SH3RF2: variants seen among roughly 807,000 people sequenced by gnomAD.
SH3RF2 encodes E3 ubiquitin-protein ligase SH3RF2.
SH3RF2 carries 43 observed loss-of-function variants against 59.0 expected under a neutral mutation model. The ratio of observed to expected loss-of-function variants is 0.73; its 90% CI spans 0.57 to 0.94. SH3RF2 has a LOEUF of 0.94. Among genes scored for constraint, SH3RF2 ranks in the 40% least tolerant of loss-of-function variants. The pLI, the probability that SH3RF2 is intolerant of heterozygous loss-of-function variation, is 0.00. For synonymous variants in SH3RF2, 391 were observed against 391.5 expected (o/e 1.00, Z 0.01); for missense variants, 930 against 940.1 (o/e 0.99, Z 0.14).
At chr5:145,946,779 C>T (rs1758018529) in intron 2 of SH3RF2, among the ~76,000 whole-genome samples, 1 of 152,120 alleles carries the variant, frequency 6.6e-6, no homozygotes, top group South Asian at 2.1e-4. Flanking sequence ...TCTTAACTGA[C>T]ACTTAGTCAT....
chr5:145,959,615 A>ATATGTG (rs368782512), intron 2 of SH3RF2, among the ~76,000 whole-genome samples: 10 of 145,518 alleles, frequency 6.9e-5, no homozygotes, highest in African/African-American at 2.3e-4. Context: ...CTATATATAT[A>ATATGTG]TGTGTGTGTG....
At chr5:146,032,977 A>C (rs2150005147) in intron 5 of SH3RF2, among the ~76,000 whole-genome samples, 1 of 152,290 alleles carries the variant, frequency 6.6e-6, no homozygotes, top group South Asian at 2.1e-4. Flanking sequence ...TGTGTGCTGT[A>C]GTTAGGGCTG....
At chr5:145,986,057 G>T (rs11950659) in intron 2 of SH3RF2, among the ~76,000 whole-genome samples, 12,982 of 150,032 alleles carry the variant, frequency 0.087, 1,898 homozygotes, top group African/African-American at 0.3. Context: ...GTCTGTTATC[G>T]TTAGAGTTGG....
chr5:145,960,675 GCTGT>G (rs1474770312), intron 2 of SH3RF2, among the ~76,000 whole-genome samples: 1 of 152,104 alleles, frequency 6.6e-6, no homozygotes, highest in African/African-American at 2.4e-5. Flanking sequence ...AACTCCTATG[GCTGT>G]CTAATTTCTT....
intron 2 of SH3RF2, among the ~76,000 whole-genome samples, chr5:145,972,403 A>T (rs189718728): frequency 1.2e-4 from 19 of 152,150 alleles, no homozygotes; most frequent in South Asian, 2.1e-4. Flanking sequence ...AAGCAAAGGC[A>T]TTTGAAGAAT....
intron 2 of SH3RF2, among the ~76,000 whole-genome samples, chr5:145,962,017 C>T (rs910622508): frequency 4.6e-5 from 7 of 152,194 alleles, no homozygotes; most frequent in Admixed American, 4.6e-4. Flanking sequence ...GATATACTGA[C>T]AGCCAAAGCC....
intron 5 of SH3RF2, among the ~76,000 whole-genome samples, chr5:146,024,892 T>C (rs1761472344): frequency 6.6e-6 from 1 of 152,236 alleles, no homozygotes; most frequent in Non-Finnish European, 1.5e-5. Flanking sequence ...ACATAATGCC[T>C]AACTGCCTCC....
chr5:145,956,809 G>A (rs1758433396), intron 2 of SH3RF2, among the ~76,000 whole-genome samples: 1 of 152,140 alleles, frequency 6.6e-6, no homozygotes, highest in Admixed American at 6.5e-5. Flanking sequence ...AGTTACCTAG[G>A]TAATTTGGGA....
At chr5:145,985,887 C>T (rs909992114) in intron 2 of SH3RF2, among the ~76,000 whole-genome samples, 2 of 151,992 alleles carry the variant, frequency 1.3e-5, no homozygotes, top group Admixed American at 1.3e-4. Context: ...GCCTGTAGTC[C>T]TGGCTATTTT....
At chr5:146,056,294 C>T in intron 8 of SH3RF2, 81 bp downstream of exon 8, 2 of 1,584,658 alleles carry the variant, frequency 1.3e-6, no homozygotes, top group African/African-American at 2.7e-5. Flanking sequence ...ATGCTTTTTG[C>T]AAAAACAGGA....
At chr5:145,975,098 C>T (rs1009141447) in intron 2 of SH3RF2, among the ~76,000 whole-genome samples, 8 of 152,214 alleles carry the variant, frequency 5.3e-5, no homozygotes, top group Non-Finnish European at 8.8e-5. Context: ...GTGCCCTACA[C>T]GCATGTTCTG....
Position 146,074,585 on chromosome 5 carries a change from AAAC to A in SH3RF2, c.*34-3872_*34-3870del, listed in dbSNP as rs202055280. On this transcript the variant is annotated intron_variant, in intron 9 of 9. Coordinates refer to the SH3RF2 transcript ENST00000511217. Reference sequence around the variant, plus strand: ...ATAAGCAAACTGACATCTAAAAAAAAAACAAAACAAAACAAAACAAAAAAACCA... The same window carrying A: ...ATAAGCAAACTGACATCTAAAAAAAAAAAACAAAACAAAACAAAAAAACCA... Among the ~76,000 whole-genome samples the A allele has an allele frequency of 5.5e-3, 824 of 149,490 alleles. 9 individuals carry two copies. Among genetic ancestry groups the A allele is most frequent in the African/African-American group, 0.02 (781 of 39,854 alleles).
intron 4 of SH3RF2, among the ~76,000 whole-genome samples, chr5:146,006,157 CT>C (rs1760636494): frequency 6.6e-6 from 1 of 152,142 alleles, no homozygotes; most frequent in Non-Finnish European, 1.5e-5. Flanking sequence ...AGTGTAGTGG[CT>C]CATGGCTGTA....
chr5:146,067,228 T>C (rs769503604), downstream of SH3RF2, among the ~76,000 whole-genome samples: 2 of 152,126 alleles, frequency 1.3e-5, no homozygotes, highest in Non-Finnish European at 2.9e-5. Flanking sequence ...TGACCTCCAG[T>C]GTGTCTTGAA....
intron 5 of SH3RF2, among the ~76,000 whole-genome samples, chr5:146,022,839 T>A (rs1761378336): frequency 6.6e-6 from 1 of 151,050 alleles, no homozygotes; most frequent in Non-Finnish European, 1.5e-5. Context: ...GCCGGTGCAC[T>A]GCAGCCTGAG....
At chr5:145,939,378 G>T (rs1400983602) in intron 2 of SH3RF2, among the ~76,000 whole-genome samples, 2 of 152,212 alleles carry the variant, frequency 1.3e-5, no homozygotes, top group African/African-American at 2.4e-5. Context: ...GGAGGGTCTT[G>T]CAGGACTGCT....
At chr5:146,040,910 G>C (rs1312436158) in intron 5 of SH3RF2, among the ~76,000 whole-genome samples, 1 of 152,096 alleles carries the variant, frequency 6.6e-6, no homozygotes, top group Non-Finnish European at 1.5e-5. Context: ...AGCACAGACA[G>C]CTTCATATTC....
At chr5:145,947,609 T>C (rs1438897395) in intron 2 of SH3RF2, among the ~76,000 whole-genome samples, 5 of 152,200 alleles carry the variant, frequency 3.3e-5, no homozygotes, top group Admixed American at 6.5e-5. Flanking sequence ...GCTATAGACC[T>C]GGGGATAATA....
chr5:146,063,269 A>G lies in SH3RF2; in HGVS notation c.*568A>G, dbSNP rs1369491512. On this transcript the variant is annotated 3_prime_UTR_variant, in exon 10 of 10. Coordinates refer to ENST00000359120, the MANE Select transcript of SH3RF2 (RefSeq NM_152550.4). ...GGTGGATACTTTGAACATTCTGAGAACCCAATAAAACTAGAAGGAGCCAGC... is the reference window on the plus strand; with the variant it reads ...GGTGGATACTTTGAACATTCTGAGAGCCCAATAAAACTAGAAGGAGCCAGC... 2 of 152,468 alleles carry G rather than the reference A, an allele frequency of 1.3e-5. No individual in the cohort carries two copies. The highest frequency in any genetic ancestry group is 2.9e-5 in the Non-Finnish European group (2 of 68,332). The allele number at this position is 152,468 out of a possible 1,614,324, so 9.4% of individuals were successfully genotyped here.
Sources: gnomAD v4.1 joint callset for allele counts (sites outside exome capture counted in the v4.1 genomes callset) on GRCh38, gnomAD v4.1.1 for gene constraint, MANE v1.5 for transcripts, NCBI Gene and HGNC (gene_info 2026-07-23, HGNC 2026-07-21) for gene names.